The following RYR3 variants were observed in gnomAD, a reference collection of about 807,000 sequenced individuals.
RYR3 encodes ryanodine receptor 3, also known as brain ryanodine receptor-calcium release channel.
In RYR3, 207 loss-of-function variants were observed where a neutral mutation model predicts 584.3. The observed-to-expected ratio is 0.35, with a 90% CI of 0.32 to 0.40. The LOEUF (loss-of-function observed/expected upper bound fraction) is 0.40, where lower values mean the gene tolerates loss of function less well. RYR3 is among the 10% of genes least tolerant of loss of function. RYR3 has a pLI of 1.00. For missense variants in RYR3, 5,616 were observed against 6,089.2 expected, an observed-to-expected ratio of 0.92 and a Z score of 2.59; for synonymous variants, 2,416 against 2,248.5, an observed-to-expected ratio of 1.07 and a Z score of -2.11.
At chr15:33,525,070 G>T (rs973388437) in intron 3 of RYR3, among the ~76,000 whole-genome samples, 5 of 152,164 alleles carry the variant, frequency 3.3e-5, no homozygotes, top group Non-Finnish European at 7.3e-5. Flanking sequence ...AGTTGTTTTA[G>T]AATTTAATTT....
At chr15:33,773,717 A>G in intron 64 of RYR3, 102 bp downstream of exon 64, 1 of 769,852 alleles carries the variant, frequency 1.3e-6, no homozygotes, top group East Asian at 2.7e-5. Flanking sequence ...CAAGACCAAA[A>G]TGCTCACTGA....
intron 62 of RYR3, 133 bp downstream of exon 62, chr15:33,769,305 C>A: frequency 1.4e-6 from 1 of 733,454 alleles, no homozygotes. Context: ...AGGGCAAAGA[C>A]CCTAGAAGTT....
At position 33,463,926 on chromosome 15, in the gene RYR3, C is replaced by T. The variant is rs545966047; in HGVS notation, c.52-9493C>T. 3.9e-5 allele frequency among the ~76,000 whole-genome samples: 6 copies of T among 152,306 alleles called. No individual in the cohort carries two copies. The East Asian group carries it at 1.2e-3, about 29-fold the overall frequency. ...ATTCCAGATGAGACCAAAGACTGGACACTTTCAGCAAAAATCATAAAAGAA... is the reference window on the plus strand; with the variant it reads ...ATTCCAGATGAGACCAAAGACTGGATACTTTCAGCAAAAATCATAAAAGAA... On this transcript the variant is annotated intron_variant, in intron 1 of 103. Transcript: ENST00000634891.
intron 28 of RYR3, among the ~76,000 whole-genome samples, chr15:33,645,671 A>C (rs1466272298): frequency 1.3e-5 from 2 of 152,192 alleles, no homozygotes; most frequent in Non-Finnish European, 2.9e-5. Flanking sequence ...GATTATAAGA[A>C]AATTATTATT....
chr15:33,859,352 A>G (rs80055412), intron 99 of RYR3, among the ~76,000 whole-genome samples: 1,581 of 152,356 alleles, frequency 0.01, 14 homozygotes, highest in Non-Finnish European at 0.017. Context: ...ATACCTTTTA[A>G]AAGCCTAAAT....
chr15:33,768,340 G>A lies in RYR3; in HGVS notation c.8706-318G>A, dbSNP rs149446233. Among the ~76,000 whole-genome samples, 259 of 152,300 alleles carry A rather than the reference G, an allele frequency of 1.7e-3. 2 individuals are homozygous for A. The highest frequency in any genetic ancestry group is 5.9e-3 in the African/African-American group (244 of 41,562). ...ATCCCTGAATGTCACACAAATGAAC[G>A]TTTCAGTACATGGTACTCTATAGCA... On this transcript the variant is annotated intron_variant, in intron 60 of 103. Transcript: ENST00000634891.
chr15:33,593,311 C>T (rs583420), intron 16 of RYR3, among the ~76,000 whole-genome samples: 86,701 of 151,712 alleles, frequency 0.57, 25,383 homozygotes, highest in Middle Eastern at 0.72. Flanking sequence ...AGAAGAGTCT[C>T]TGGTCTCAAG....
intron 20 of RYR3, among the ~76,000 whole-genome samples, chr15:33,625,222 A>G (rs527282381): frequency 1.4e-4 from 9 of 62,736 alleles, no homozygotes; most frequent in South Asian, 8.4e-4. Context: ...TGAGAACTCT[A>G]TTATGAGGAC....
At chr15:33,628,688 G>C in intron 21 of RYR3, 113 bp downstream of exon 21, 1 of 675,226 alleles carries the variant, frequency 1.5e-6, no homozygotes, top group Non-Finnish European at 2.7e-6. Flanking sequence ...GGAACACTGA[G>C]GAGACCAGGT....
In RYR3 at chr15:33,550,185, G is replaced by C. The variant is rs779917089; in HGVS notation, c.841G>C (p.Gly281Arg). The change falls in exon 10 of 104, where the codon GGC becomes CGC. Residue 281 changes from glycine to arginine, a missense_variant. Physicochemically the swap from Gly to Arg is moderately radical, Grantham distance 125. Coordinates refer to ENST00000634891, the MANE Select transcript of RYR3 (RefSeq NM_001036.6). Reference protein sequence around the residue: ...ISWSGSNIRWGQAFRLRHLTT... With the variant: ...ISWSGSNIRWRQAFRLRHLTT... ...CTGGAGTGGCAGTAACATCAGATGGGGCCAGGCTTTCCGACTCCGGCATCT... is the reference window on the plus strand; with the variant it reads ...CTGGAGTGGCAGTAACATCAGATGGCGCCAGGCTTTCCGACTCCGGCATCT... 6.2e-7 allele frequency: 1 copy of C among 1,613,764 alleles called. No homozygotes were observed. Among genetic ancestry groups the C allele is most frequent in the Non-Finnish European group, 8.5e-7 (1 of 1,179,800 alleles).
At chr15:33,857,337 G>A (rs975247296) in intron 98 of RYR3, among the ~76,000 whole-genome samples, 2 of 152,034 alleles carry the variant, frequency 1.3e-5, no homozygotes, top group African/African-American at 4.8e-5. Flanking sequence ...CCCTTCACGT[G>A]TGCCTGTGTC....
chr15:33,372,358 ATTT>A lies in RYR3; in HGVS notation c.51+61285_51+61287del, dbSNP rs59663566. Among the ~76,000 whole-genome samples the A allele has an allele frequency of 3.6e-4, 27 of 75,564 alleles. 1 individual carries two copies. Among genetic ancestry groups the A allele is most frequent in the African/African-American group, 1.4e-3 (23 of 16,524 alleles). The allele number at this position is 75,564 out of a possible 152,430, so 49.6% of individuals were successfully genotyped here. ...AGATGCACTCTGCCATGCCCGGCTA[ATTT>A]TTTTTTTTTTTTTTTTTTTTTTGGA... On this transcript the variant is annotated intron_variant, in intron 1 of 103. Transcript: ENST00000634891.
At chr15:33,607,810 A>G (rs577178563) in intron 18 of RYR3, among the ~76,000 whole-genome samples, 21 of 150,776 alleles carry the variant, frequency 1.4e-4, no homozygotes, top group African/African-American at 4.8e-4. Flanking sequence ...CCTGGAGTTG[A>G]AAAAAACACA....
intron 1 of RYR3, among the ~76,000 whole-genome samples, chr15:33,350,972 T>G (rs142020872): frequency 2.0e-5 from 3 of 151,660 alleles, no homozygotes; most frequent in Admixed American, 2.0e-4. Context: ...AATCCAGGAG[T>G]TGGTTTTTTG....
intron 1 of RYR3, among the ~76,000 whole-genome samples, chr15:33,370,092 C>G (rs1051877632): frequency 1.3e-5 from 2 of 152,204 alleles, no homozygotes; most frequent in East Asian, 1.9e-4. Flanking sequence ...GAAAATGCAT[C>G]TTTTTCCCCC....
At chr15:33,430,384 T>G (rs947201568) in intron 1 of RYR3, among the ~76,000 whole-genome samples, 1 of 152,198 alleles carries the variant, frequency 6.6e-6, no homozygotes, top group African/African-American at 2.4e-5. Flanking sequence ...GGAGGGCATC[T>G]CAAAGTGGGG....
At chr15:33,669,105 T>G (rs2063662449) in intron 36 of RYR3, among the ~76,000 whole-genome samples, 1 of 152,148 alleles carries the variant, frequency 6.6e-6, no homozygotes, top group Non-Finnish European at 1.5e-5. Flanking sequence ...AGTAGTTATC[T>G]CGGGGTGGTG....
intron 32 of RYR3, among the ~76,000 whole-genome samples, chr15:33,655,017 C>G (rs2062741783): frequency 6.6e-6 from 1 of 152,220 alleles, no homozygotes; most frequent in Admixed American, 6.5e-5. Flanking sequence ...GGGGAGCAGC[C>G]TGTTGGCACA....
rs139063789 is a variant in RYR3 at position 33,664,589 on chromosome 15, G to GTATATATATATATATATATATA, written c.5619+857_5619+878dup. ...TATATAGATATATGTGTGTGTGTGT[G>GTATATATATATATATATATATA]TATATATATATATATATATATATAT... On this transcript the variant is annotated intron_variant, in intron 36 of 103. Transcript: ENST00000634891. 6.2e-3 allele frequency among the ~76,000 whole-genome samples: 564 copies of GTATATATATATATATATATATA among 91,172 alleles called. 25 individuals carry two copies. Among genetic ancestry groups the GTATATATATATATATATATATA allele is most frequent in the African/African-American group, 0.014 (319 of 22,648 alleles). 59.8% of individuals were successfully genotyped at this position (91,172 alleles called of 152,430 possible). A position where few individuals can be genotyped will look rare whatever the true frequency, so the allele number is the denominator to read the frequency against.
Sources: allele counts gnomAD v4.1 joint callset (sites outside exome capture counted in the v4.1 genomes callset), GRCh38; gene constraint gnomAD v4.1.1; transcripts MANE v1.5; gene names NCBI Gene and HGNC (gene_info 2026-07-23, HGNC 2026-07-21).